Variants in ANKRD6 observed in about 807,000 individuals in gnomAD.
The protein encoded by ANKRD6 is ankyrin repeat domain-containing protein 6.
ANKRD6 carries 56 observed loss-of-function variants against 82.3 expected under a neutral mutation model. That is an observed-to-expected ratio of 0.68 (90% CI 0.55 to 0.85). The LOEUF (loss-of-function observed/expected upper bound fraction) is 0.85. ANKRD6 is among the 40% of genes least tolerant of loss of function. The pLI, the probability that ANKRD6 is intolerant of heterozygous loss-of-function variation, is 0.00. For synonymous variants in ANKRD6, 347 were observed against 352.1 expected, an observed-to-expected ratio of 0.99 and a Z score of 0.16; for missense variants, 852 against 907.6, an observed-to-expected ratio of 0.94 and a Z score of 0.79.
intron 1 of ANKRD6, among the ~76,000 whole-genome samples, chr6:89,501,262 G>A (rs541482372): frequency 6.6e-6 from 1 of 152,242 alleles, no homozygotes; most frequent in African/African-American, 2.4e-5. Context: ...TATTTCCAGG[G>A]TTTTGTTCTT....
intron 3 of ANKRD6, among the ~76,000 whole-genome samples, chr6:89,600,600 C>A (rs1388113245): frequency 6.6e-6 from 1 of 152,090 alleles, no homozygotes; most frequent in African/African-American, 2.4e-5. Flanking sequence ...GAGCTGCAGT[C>A]GCGTGGTTCT....
rs1414421992 is a variant in ANKRD6, at chr6:89,631,504, A to T, written c.*500A>T. On this transcript the variant is annotated 3_prime_UTR_variant, in exon 16 of 16. Transcript: ENST00000339746. ...AATAAACCCTCTTTCTCAAATTCGT[A>T]ATTCTCCAACTGTTGACATTTTAAT... 6.6e-6 allele frequency: 1 copy of T among 152,306 alleles called. No homozygotes were observed. The highest frequency in any genetic ancestry group is 1.5e-5 in the Non-Finnish European group (1 of 68,090). 9.4% of individuals were successfully genotyped at this position (152,306 alleles called of 1,614,324 possible). A position where few individuals can be genotyped will look rare whatever the true frequency, so the allele number is the denominator to read the frequency against.
At chr6:89,442,809 T>C (rs569610800) in intron 1 of ANKRD6, among the ~76,000 whole-genome samples, 75 of 152,232 alleles carry the variant, frequency 4.9e-4, no homozygotes, top group Non-Finnish European at 9.9e-4. Flanking sequence ...AAGGTTCTTA[T>C]TATGTAGGTG....
chr6:89,445,371 A>C (rs907732214), intron 1 of ANKRD6, among the ~76,000 whole-genome samples: 3 of 150,204 alleles, frequency 2.0e-5, no homozygotes, highest in Non-Finnish European at 4.4e-5. Context: ...CCCAGGTTCA[A>C]GTGATCCTCC....
intron 2 of ANKRD6, among the ~76,000 whole-genome samples, chr6:89,579,915 G>A (rs1338704677): frequency 6.6e-6 from 1 of 152,110 alleles, no homozygotes; most frequent in Non-Finnish European, 1.5e-5. Context: ...TGACGTTGAA[G>A]AACAAAGTTG....
chr6:89,488,705 A>G (rs1777649367), intron 1 of ANKRD6, among the ~76,000 whole-genome samples: 1 of 152,182 alleles, frequency 6.6e-6, no homozygotes, highest in Non-Finnish European at 1.5e-5. Context: ...TTACATTTAT[A>G]TTGTTTCTTT....
At chr6:89,585,028 A>G (rs551115631) in intron 2 of ANKRD6, among the ~76,000 whole-genome samples, 2 of 152,274 alleles carry the variant, frequency 1.3e-5, no homozygotes, top group South Asian at 2.1e-4. Flanking sequence ...TCCAAATACC[A>G]TCACGTTGAA....
chr6:89,592,134 T>C (rs1444658155), intron 2 of ANKRD6, among the ~76,000 whole-genome samples: 1 of 152,226 alleles, frequency 6.6e-6, no homozygotes, highest in Non-Finnish European at 1.5e-5. Context: ...CAGGACTGGC[T>C]GGTGGGTACC....
chr6:89,452,589 G>A (rs138618761), intron 1 of ANKRD6, among the ~76,000 whole-genome samples: 130 of 152,268 alleles, frequency 8.5e-4, no homozygotes, highest in African/African-American at 3.0e-3. Flanking sequence ...TGCAAAGCCT[G>A]AACCCTCCAC....
At chr6:89,606,746 C>CT (rs1035505594) in intron 5 of ANKRD6, among the ~76,000 whole-genome samples, 2 of 151,798 alleles carry the variant, frequency 1.3e-5, no homozygotes, top group Admixed American at 1.3e-4. Flanking sequence ...GTCCCAGCTA[C>CT]TTGGGAGGCT....
chr6:89,501,845 T>TAA (rs551869448), intron 1 of ANKRD6, among the ~76,000 whole-genome samples: 5 of 145,728 alleles, frequency 3.4e-5, no homozygotes, highest in African/African-American at 1.3e-4. Context: ...GGAGTTATCT[T>TAA]AAAAAAAAAA....
chr6:89,581,891 G>A (rs753021516), intron 2 of ANKRD6, among the ~76,000 whole-genome samples: 33 of 149,976 alleles, frequency 2.2e-4, no homozygotes, highest in Non-Finnish European at 3.6e-4. Context: ...CACACACTGT[G>A]TGGAGCAGGT....
intron 2 of ANKRD6, among the ~76,000 whole-genome samples, chr6:89,577,909 A>C (rs1791502000): frequency 6.6e-6 from 1 of 152,246 alleles, no homozygotes; most frequent in African/African-American, 2.4e-5. Context: ...TGTTTTATGC[A>C]AGTTTGGTTA....
intron 1 of ANKRD6, among the ~76,000 whole-genome samples, chr6:89,512,468 T>G (rs754958883): frequency 4.6e-5 from 7 of 151,962 alleles, no homozygotes; most frequent in Non-Finnish European, 8.8e-5. Context: ...GAACAATGAG[T>G]GTCTGTTTCT....
intron 1 of ANKRD6, among the ~76,000 whole-genome samples, chr6:89,521,644 T>C (rs185063678): frequency 1.8e-4 from 28 of 151,920 alleles, no homozygotes; most frequent in African/African-American, 6.3e-4. Flanking sequence ...AGGGGAGAGG[T>C]GAGAGGTGAC....
intron 1 of ANKRD6, among the ~76,000 whole-genome samples, chr6:89,500,736 T>C (rs1414321771): frequency 6.6e-6 from 1 of 152,320 alleles, no homozygotes; most frequent in Middle Eastern, 3.4e-3. Context: ...ACAAAGTTAA[T>C]TGCTATTCTC....
intron 1 of ANKRD6, among the ~76,000 whole-genome samples, chr6:89,480,962 A>AAT (rs1207127288): frequency 6.8e-6 from 1 of 147,834 alleles, no homozygotes; most frequent in African/African-American, 2.5e-5. Flanking sequence ...AAAATAGAAG[A>AAT]AGAAGAAGAA....
intron 1 of ANKRD6, among the ~76,000 whole-genome samples, chr6:89,524,090 G>A (rs1782181130): frequency 6.6e-6 from 1 of 152,152 alleles, no homozygotes; most frequent in African/African-American, 2.4e-5. Context: ...AGGGCCATCA[G>A]CTCAGCTTTT....
rs71024383 is a variant in ANKRD6 at position 89,578,286 on chromosome 6, C to CTTTTTTTTTTT, written c.120+11206_120+11216dup. Among the ~76,000 whole-genome samples, 12 of 119,098 alleles carry CTTTTTTTTTTT rather than the reference C, an allele frequency of 1.0e-4. 6 individuals are homozygous for CTTTTTTTTTTT. Among genetic ancestry groups the CTTTTTTTTTTT allele is most frequent in the Admixed American group, 1.8e-4 (2 of 11,250 alleles). 78.1% of individuals were successfully genotyped at this position (119,098 alleles called of 152,430 possible). A position where few individuals can be genotyped will look rare whatever the true frequency, so the allele number is the denominator to read the frequency against. On this transcript the variant is annotated intron_variant, in intron 2 of 15. Transcript: ENST00000339746. ...ATTAGCTTTTTCCCCCTCCCGCCTCCTTTTTTTTTTTTTTTTTTTTTTTTT... is the reference window on the plus strand; with the variant it reads ...ATTAGCTTTTTCCCCCTCCCGCCTCCTTTTTTTTTTTTTTTTTTTTTTTTTTTTTTTTTTTT...
Sources: gnomAD v4.1 joint callset for allele counts (sites outside exome capture counted in the v4.1 genomes callset) on GRCh38, gnomAD v4.1.1 for gene constraint, MANE v1.5 for transcripts, NCBI Gene and HGNC (gene_info 2026-07-23, HGNC 2026-07-21) for gene names.